NRG1: variants seen among roughly 807,000 people sequenced by gnomAD.
The protein encoded by NRG1 is pro-neuregulin-1, membrane-bound isoform.
Under a neutral mutation model 63.8 loss-of-function variants are expected in NRG1, and 18 were observed. That is an observed-to-expected ratio of 0.28 (90% CI 0.19 to 0.42). The LOEUF (loss-of-function observed/expected upper bound fraction) is 0.42, where lower values mean the gene tolerates loss of function less well. Among genes scored for constraint, NRG1 ranks in the 10% least tolerant of loss-of-function variants. The pLI is 1.00. For missense variants in NRG1, 762 were observed against 814.7 expected (o/e 0.94, Z 0.79); for synonymous variants, 302 against 301.3 (o/e 1.00, Z -0.02).
intron 1 of NRG1, among the ~76,000 whole-genome samples, chr8:32,492,255 A>G (rs1826679902): frequency 6.6e-6 from 1 of 152,158 alleles, no homozygotes; most frequent in African/African-American, 2.4e-5. Flanking sequence ...GTTATATGGG[A>G]GTCAATTATT....
intron 1 of NRG1, among the ~76,000 whole-genome samples, chr8:32,486,664 A>G (rs1825943230): frequency 7.3e-6 from 1 of 137,528 alleles, no homozygotes; most frequent in Non-Finnish European, 1.5e-5. Context: ...TTGCTCTGCC[A>G]CCCAGGCTGG....
chr8:32,549,960 C>G (rs1833820259), intron 1 of NRG1, among the ~76,000 whole-genome samples: 1 of 152,138 alleles, frequency 6.6e-6, no homozygotes, highest in South Asian at 2.1e-4. Flanking sequence ...AGAATTAATT[C>G]ACTAGTACTT....
chr8:32,571,757 A>C (rs977638813), intron 1 of NRG1, among the ~76,000 whole-genome samples: 1 of 152,164 alleles, frequency 6.6e-6, no homozygotes, highest in African/African-American at 2.4e-5. Context: ...AAATTGAGTG[A>C]CTTGCAATTA....
At chr8:32,480,879 C>T (rs1239439797) in intron 1 of NRG1, among the ~76,000 whole-genome samples, 1 of 152,146 alleles carries the variant, frequency 6.6e-6, no homozygotes, top group Non-Finnish European at 1.5e-5. Flanking sequence ...ACAAGGGATC[C>T]ACCCCCATGA....
intron 2 of NRG1, among the ~76,000 whole-genome samples, chr8:32,605,047 C>T (rs1345391763): frequency 6.6e-6 from 1 of 152,128 alleles, no homozygotes; most frequent in Non-Finnish European, 1.5e-5. Flanking sequence ...GATAAATCCT[C>T]TTAATTCAAA....
At chr8:31,667,835 C>T (rs1313286533) in intron 1 of NRG1, among the ~76,000 whole-genome samples, 1 of 152,132 alleles carries the variant, frequency 6.6e-6, no homozygotes, top group East Asian at 1.9e-4. Flanking sequence ...AATGATAAGA[C>T]ACTGCAAATT....
At chr8:31,774,174 T>C (rs891746469) in intron 1 of NRG1, among the ~76,000 whole-genome samples, 4 of 152,242 alleles carry the variant, frequency 2.6e-5, no homozygotes, top group African/African-American at 9.6e-5. Flanking sequence ...TTACTTTTCT[T>C]TGGATCTTCC....
intron 5 of NRG1, among the ~76,000 whole-genome samples, chr8:32,684,394 C>A (rs1427412903): frequency 6.6e-6 from 1 of 152,108 alleles, no homozygotes; most frequent in Non-Finnish European, 1.5e-5. Flanking sequence ...CCTTATTTCT[C>A]AAGAGGCATT....
chr8:32,718,197 G>C (rs796078866), intron 5 of NRG1, among the ~76,000 whole-genome samples: 31 of 152,276 alleles, frequency 2.0e-4, no homozygotes, highest in African/African-American at 7.5e-4. Flanking sequence ...CTGTTAACAT[G>C]ATGAGTGTTT....
rs148546116 is a variant in NRG1 at position 32,051,212 on chromosome 8, G to A, written c.37+411781G>A. On this transcript the variant is annotated intron_variant, in intron 1 of 10. Coordinates refer to the NRG1 transcript ENST00000519301. ...ATGAATATAAAGGAATGCCTCATTC[G>A]TTTATGTATTTAAAATACGTCTTGA... is the stretch of plus-strand genomic sequence containing the variant. Among the ~76,000 whole-genome samples the A allele has an allele frequency of 3.2e-4, 48 of 152,112 alleles. No individual in the cohort carries two copies. The East Asian group carries it at 7.0e-3, about 22-fold the overall frequency.
In NRG1 at chr8:32,230,456, G is replaced by C. The variant is rs189696869; in HGVS notation, c.38-365372G>C. ...CTCCTAAAACCTAGAACTCAGGAGT[G>C]ATGGAAATAGAGGGCACCCATGGCA... On this transcript the variant is annotated intron_variant, in intron 1 of 10. Coordinates refer to the NRG1 transcript ENST00000519301. Among the ~76,000 whole-genome samples, 347 of 152,292 alleles carry C rather than the reference G, an allele frequency of 2.3e-3. 2 individuals carry two copies. The highest frequency in any genetic ancestry group is 6.8e-3 in the Middle Eastern group (2 of 294).
chr8:32,607,136 TA>T lies in NRG1; in HGVS notation c.400+1457del, dbSNP rs564613705. Among the ~76,000 whole-genome samples, 12 of 152,302 alleles carry T rather than the reference TA, an allele frequency of 7.9e-5. No homozygotes were observed. The South Asian group carries it at 2.5e-3, about 32-fold the overall frequency. ...TACAGTTTAAAATGTAAAAGCCATTTAAAATTTATATGAGTAAATATAGCAT... is the reference window on the plus strand; with the variant it reads ...TACAGTTTAAAATGTAAAAGCCATTTAAATTTATATGAGTAAATATAGCAT... On this transcript the variant is annotated intron_variant, in intron 3 of 11. Transcript: ENST00000356819.
intron 5 of NRG1, among the ~76,000 whole-genome samples, chr8:32,650,412 A>C (rs1024379900): frequency 1.3e-5 from 2 of 152,106 alleles, no homozygotes; most frequent in African/African-American, 4.8e-5. Flanking sequence ...GTAGACAGTT[A>C]GTTGGTTAAG....
chr8:31,726,640 A>G (rs554571642), intron 1 of NRG1, among the ~76,000 whole-genome samples: 25 of 152,272 alleles, frequency 1.6e-4, no homozygotes, highest in African/African-American at 6.0e-4. Context: ...AGAAGTACCA[A>G]TACCAGTGGG....
intron 1 of NRG1, among the ~76,000 whole-genome samples, chr8:31,899,060 GAT>G (rs769143614): frequency 2.6e-4 from 40 of 151,880 alleles, no homozygotes; most frequent in Middle Eastern, 3.4e-3. Context: ...CCTAGCAGAA[GAT>G]TTAAGCAAAG....
At chr8:32,674,501 T>C (rs1232530076) in intron 5 of NRG1, among the ~76,000 whole-genome samples, 1 of 152,080 alleles carries the variant, frequency 6.6e-6, no homozygotes, top group Non-Finnish European at 1.5e-5. Context: ...ACTAAATTCG[T>C]ATATGACAAC....
intron 1 of NRG1, among the ~76,000 whole-genome samples, chr8:32,281,460 G>A (rs1209757609): frequency 1.3e-5 from 2 of 151,918 alleles, no homozygotes; most frequent in Non-Finnish European, 2.9e-5. Context: ...TTACAGCCAC[G>A]AGCCATGGCA....
chr8:31,706,739 A>C (rs1811190261), intron 1 of NRG1, among the ~76,000 whole-genome samples: 1 of 152,212 alleles, frequency 6.6e-6, no homozygotes, highest in African/African-American at 2.4e-5. Context: ...TGCCAATGTG[A>C]TAAATACAAA....
chr8:32,683,816 A>G (rs983472049), intron 5 of NRG1, among the ~76,000 whole-genome samples: 3 of 151,650 alleles, frequency 2.0e-5, no homozygotes, highest in African/African-American at 7.3e-5. Flanking sequence ...CTGACTCAAC[A>G]TGCATTGTAG....
Sources: gnomAD v4.1 joint callset for allele counts (sites outside exome capture counted in the v4.1 genomes callset) on GRCh38, gnomAD v4.1.1 for gene constraint, MANE v1.5 for transcripts, NCBI Gene and HGNC (gene_info 2026-07-23, HGNC 2026-07-21) for gene names.